LRRC8B: variants seen among roughly 807,000 people sequenced by gnomAD.
LRRC8B encodes volume-regulated anion channel subunit LRRC8B.
Under a neutral mutation model 58.8 loss-of-function variants are expected in LRRC8B, and 23 were observed. That is an observed-to-expected ratio of 0.39 (90% CI 0.28 to 0.55). The LOEUF (loss-of-function observed/expected upper bound fraction) is 0.55, where lower values mean the gene tolerates loss of function less well. Among genes scored for constraint, LRRC8B ranks in the 20% least tolerant of loss-of-function variants. LRRC8B has a pLI of 0.62. For missense variants in LRRC8B, 694 were observed against 936.0 expected (o/e 0.74, Z 3.37); for synonymous variants, 359 against 374.1 (o/e 0.96, Z 0.47).
At chr1:89,530,897 T>A (rs966389234) in intron 1 of LRRC8B, among the ~76,000 whole-genome samples, 5 of 151,552 alleles carry the variant, frequency 3.3e-5, no homozygotes, top group African/African-American at 7.3e-5. Flanking sequence ...ATTAGGGGAG[T>A]TTGTGGGGAA....
chr1:89,538,368 A>G (rs907297126), intron 1 of LRRC8B, among the ~76,000 whole-genome samples: 1 of 152,218 alleles, frequency 6.6e-6, no homozygotes, highest in African/African-American at 2.4e-5. Flanking sequence ...AGGAACTGAT[A>G]GTGCCTTTGA....
In LRRC8B at chr1:89,560,464, C is replaced by T. The variant is rs559215896; in HGVS notation, c.-240-7783C>T. Among the ~76,000 whole-genome samples, 18 of 151,246 alleles carry T rather than the reference C, an allele frequency of 1.2e-4. No homozygotes were observed. The East Asian group carries it at 2.7e-3, about 23-fold the overall frequency. On this transcript the variant is annotated intron_variant, in intron 1 of 5. Transcript: ENST00000330947. ...GGTTAGTTACATATGTATACATGTG[C>T]CATGCTGGTGTGCTGCACCCACTAA...
chr1:89,546,813 G>A (rs1236016272), intron 1 of LRRC8B, among the ~76,000 whole-genome samples: 3 of 152,228 alleles, frequency 2.0e-5, no homozygotes, highest in African/African-American at 7.2e-5. Flanking sequence ...CTATAGCTAA[G>A]TAAAAAAGAC....
Position 89,582,994 on chromosome 1 carries a change from A to G in LRRC8B, c.344A>G (p.His115Arg). 1 of 1,613,992 alleles carries G rather than the reference A, an allele frequency of 6.2e-7. No individual in the cohort carries two copies. The highest frequency in any genetic ancestry group is 2.2e-5 in the East Asian group (1 of 44,882). The change falls in exon 5 of 6, where the codon CAT (histidine) becomes CGT (arginine). Residue 115 changes from histidine to arginine, a missense_variant. Physicochemically the swap from His to Arg is conservative, Grantham distance 29 (BLOSUM62 0). This residue lies in a region of LRRC8B where 316 missense variants were observed against 403.8 expected (regional missense o/e 0.78). Transcript: ENST00000330947. The part of the protein sequence containing the change: ...IDAVCYEKQL[H>R]WFAKFFPYLV... Reference sequence around the variant, plus strand: ...GCCGTCTGTTACGAGAAACAGCTCCATTGGTTTGCAAAGTTTTTCCCCTAT... The same window carrying G: ...GCCGTCTGTTACGAGAAACAGCTCCGTTGGTTTGCAAAGTTTTTCCCCTAT...
intron 1 of LRRC8B, chr1:89,527,013 A>G (rs922241895): frequency 6.6e-6 from 1 of 152,242 alleles, no homozygotes; most frequent in African/African-American, 2.4e-5. Context: ...GGGGCTTAAT[A>G]AAACTTAAAG....
intron 1 of LRRC8B, among the ~76,000 whole-genome samples, chr1:89,542,483 G>A (rs746516542): frequency 2.6e-5 from 4 of 152,132 alleles, no homozygotes; most frequent in Non-Finnish European, 5.9e-5. Flanking sequence ...CCACATAACA[G>A]CCACTAAATA....
Position 89,582,919 on chromosome 1 carries a change from C to G in LRRC8B, c.269C>G (p.Pro90Arg). Residue 90 changes from proline (P) to arginine (R), a missense_variant, in exon 5 of 6, where the codon CCC becomes CGC. Transcript: ENST00000330947. ...AATCCTGGGACACCGCTTCCGCTCC[C>G]CCTCCGAATTCAGAATGACCTCCAC... ...SSNPGTPLPL[P>R]LRIQNDLHRQ... 1 of 1,614,174 alleles carries G rather than the reference C, an allele frequency of 6.2e-7. No individual in the cohort carries two copies. Among genetic ancestry groups the G allele is most frequent in the Non-Finnish European group, 8.5e-7 (1 of 1,180,024 alleles).
At chr1:89,567,205 G>T (rs906727661) in intron 1 of LRRC8B, among the ~76,000 whole-genome samples, 1 of 152,132 alleles carries the variant, frequency 6.6e-6, no homozygotes, top group Non-Finnish European at 1.5e-5. Context: ...TTGTCATTTA[G>T]TATTTCTCAT....
At chr1:89,581,627 G>C (rs973631653) in intron 4 of LRRC8B, among the ~76,000 whole-genome samples, 1 of 152,116 alleles carries the variant, frequency 6.6e-6, no homozygotes, top group African/African-American at 2.4e-5. Flanking sequence ...ATACTTTTCA[G>C]TATGAAAATA....
intron 3 of LRRC8B, among the ~76,000 whole-genome samples, chr1:89,577,073 G>C (rs1266996765): frequency 2.6e-5 from 4 of 152,140 alleles, no homozygotes; most frequent in Non-Finnish European, 5.9e-5. Context: ...ATTTTGAAGG[G>C]ATATAAGGTG....
At chr1:89,540,763 G>A (rs980304864) in intron 1 of LRRC8B, among the ~76,000 whole-genome samples, 3 of 152,220 alleles carry the variant, frequency 2.0e-5, no homozygotes, top group African/African-American at 7.2e-5. Context: ...TGCTGAAGAT[G>A]AGAGAGATCA....
intron 3 of LRRC8B, among the ~76,000 whole-genome samples, chr1:89,577,712 T>G (rs1311849175): frequency 1.3e-5 from 2 of 152,184 alleles, no homozygotes; most frequent in Non-Finnish European, 2.9e-5. Flanking sequence ...ATTTAAATAT[T>G]AAGTTTTAGT....
intron 1 of LRRC8B, among the ~76,000 whole-genome samples, chr1:89,562,907 C>A (rs1012740958): frequency 1.3e-5 from 2 of 152,016 alleles, no homozygotes; most frequent in African/African-American, 2.4e-5. Flanking sequence ...GCATGTCAAC[C>A]TTAAGTATTT....
chr1:89,585,607 C>G (rs1297038481), intron 5 of LRRC8B, among the ~76,000 whole-genome samples: 6 of 152,140 alleles, frequency 3.9e-5, no homozygotes, highest in Admixed American at 3.9e-4. Flanking sequence ...CATTCCTCTA[C>G]TTGAAAATGG....
intron 1 of LRRC8B, among the ~76,000 whole-genome samples, chr1:89,533,528 C>G (rs1650296629): frequency 6.6e-6 from 1 of 152,172 alleles, no homozygotes; most frequent in South Asian, 2.1e-4. Flanking sequence ...TTTCTAGGCT[C>G]CATTAAAGCA....
intron 1 of LRRC8B, among the ~76,000 whole-genome samples, chr1:89,548,250 TTAAG>T (rs1032682299): frequency 6.6e-6 from 1 of 152,252 alleles, no homozygotes; most frequent in African/African-American, 2.4e-5. Flanking sequence ...CATCTTTTTT[TTAAG>T]TTTGAAGTTT....
Position 89,596,814 on chromosome 1 carries a change from T to C in LRRC8B, c.*3771T>C, listed in dbSNP as rs1280835481. 3.9e-5 allele frequency: 6 copies of C among 152,212 alleles called. No homozygotes were observed. In the East Asian group the frequency reaches 1.2e-3, roughly 29 times the overall value. 9.4% of individuals were successfully genotyped at this position (152,212 alleles called of 1,614,324 possible). A position where few individuals can be genotyped will look rare whatever the true frequency, so the allele number is the denominator to read the frequency against. ...GAGGAAGCCAGTGCCTGTAATTATGTCTCATTGAGTAGTTTTACTTTGCCC... is the reference window on the plus strand; with the variant it reads ...GAGGAAGCCAGTGCCTGTAATTATGCCTCATTGAGTAGTTTTACTTTGCCC... On this transcript the variant is annotated 3_prime_UTR_variant, in exon 6 of 6. Transcript: ENST00000330947.
At chr1:89,535,881 C>A (rs1650489335) in intron 1 of LRRC8B, among the ~76,000 whole-genome samples, 1 of 152,000 alleles carries the variant, frequency 6.6e-6, no homozygotes, top group Non-Finnish European at 1.5e-5. Flanking sequence ...TGGTCCTAAG[C>A]TAGATTTGGG....
intron 1 of LRRC8B, among the ~76,000 whole-genome samples, chr1:89,528,874 T>C (rs1208612279): frequency 1.3e-5 from 2 of 152,162 alleles, no homozygotes; most frequent in African/African-American, 4.8e-5. Context: ...TGAAGGAAAA[T>C]TCCTGGATGC....
Sources: gnomAD v4.1 joint callset for allele counts (sites outside exome capture counted in the v4.1 genomes callset) on GRCh38, gnomAD v4.1.1 for gene constraint, gnomAD v4.1.1 regional missense constraint, MANE v1.5 for transcripts, NCBI Gene and HGNC (gene_info 2026-07-23, HGNC 2026-07-21) for gene names.